ARHGAP20: variants seen among roughly 807,000 people sequenced by gnomAD.
ARHGAP20 encodes the protein rho GTPase-activating protein 20.
In ARHGAP20, 34 loss-of-function variants were observed where a neutral mutation model predicts 73.7. The ratio of observed to expected loss-of-function variants is 0.46; its 90% CI spans 0.35 to 0.61. The LOEUF (loss-of-function observed/expected upper bound fraction) is 0.61, where lower values mean the gene tolerates loss of function less well. ARHGAP20 is among the 20% of genes least tolerant of loss of function. The pLI is 0.00. For missense variants in ARHGAP20, 1,314 were observed against 1,420.9 expected (o/e 0.92, Z 1.21); for synonymous variants, 523 against 518.2 (o/e 1.01, Z -0.13).
At chr11:110,679,327 AACTCTGATACAGTGTAGCAG>A (rs2135089206) in intron 2 of ARHGAP20, among the ~76,000 whole-genome samples, 1 of 152,308 alleles carries the variant, frequency 6.6e-6, no homozygotes, top group East Asian at 1.9e-4. Context: ...TACACAGAGC[AACTCTGATACAGTGTAGCAG>A]GGATTAGACA....
chr11:110,588,854 G>A (rs1422185581), intron 11 of ARHGAP20, among the ~76,000 whole-genome samples: 5 of 152,038 alleles, frequency 3.3e-5, no homozygotes, highest in Non-Finnish European at 7.4e-5. Context: ...GGCGGATCAC[G>A]AGGTCAGGAG....
chr11:110,638,352 T>TA (rs1198507084), intron 2 of ARHGAP20, among the ~76,000 whole-genome samples: 3 of 151,728 alleles, frequency 2.0e-5, no homozygotes, highest in Admixed American at 6.6e-5. Flanking sequence ...AATTCAAAAA[T>TA]AAAAAAATGA....
At chr11:110,641,131 A>T (rs1949069601) in intron 2 of ARHGAP20, among the ~76,000 whole-genome samples, 1 of 152,052 alleles carries the variant, frequency 6.6e-6, no homozygotes, top group South Asian at 2.1e-4. Context: ...ATGGGAGCAT[A>T]TGCGATACAA....
At chr11:110,619,307 TATGTAGAGTGTATGCA>T (rs1374313749) in intron 4 of ARHGAP20, among the ~76,000 whole-genome samples, 4 of 133,068 alleles carry the variant, frequency 3.0e-5, no homozygotes, top group Middle Eastern at 4.5e-3. Flanking sequence ...TGATAGCATA[TATGTAGAGTGTATGCA>T]GTGATAGGGT....
In ARHGAP20 at chr11:110,624,298, A is replaced by G; in HGVS notation, c.367T>C (p.Phe123Leu). The G allele has an allele frequency of 6.4e-7, 1 of 1,568,264 alleles. No individual in the cohort carries two copies. The highest frequency in any genetic ancestry group is 8.6e-7 in the Non-Finnish European group (1 of 1,160,318). The change falls in exon 4 of 15, where the codon TTT becomes CTT. Residue 123 changes from phenylalanine to leucine, a missense_variant. Physicochemically the swap from Phe to Leu is conservative, Grantham distance 22. Around this residue, in one of 3 missense-constraint regions of ARHGAP20, gnomAD observed 443 missense variants for 466.4 expected, o/e 0.95. Coordinates refer to ENST00000683387, the MANE Select transcript of ARHGAP20 (RefSeq NM_001384657.1). ...AATTTAATTTTATTTTTTATCTTAA[A>G]GTTATTGTTATATCTAGAAAGATAA... is the stretch of plus-strand genomic sequence containing the variant. ...VVAKIKYNNN[F>L]KIKNKIKLTD...
At chr11:110,597,129 G>A (rs1947985419) in intron 9 of ARHGAP20, among the ~76,000 whole-genome samples, 1 of 135,830 alleles carries the variant, frequency 7.4e-6, no homozygotes, top group African/African-American at 2.7e-5. Flanking sequence ...GTCACACACC[G>A]GGGACCGTTG....
At chr11:110,658,463 T>C (rs1949522849) in intron 2 of ARHGAP20, among the ~76,000 whole-genome samples, 1 of 152,088 alleles carries the variant, frequency 6.6e-6, no homozygotes, top group Non-Finnish European at 1.5e-5. Flanking sequence ...GCACAAAAAC[T>C]AGAATATATA....
rs191761888 is a variant in ARHGAP20, at chr11:110,691,889, C to T, written c.106-1260G>A. On this transcript the variant is annotated intron_variant, in intron 1 of 14. Transcript: ENST00000683387. ...AAACATTAATAAATGACAGGAAACA[C>T]ATGGGTTAAAAATAGATAACATCAA... Among the ~76,000 whole-genome samples the T allele has an allele frequency of 9.2e-5, 14 of 152,268 alleles. 1 individual carries two copies. The highest frequency in any genetic ancestry group is 9.2e-4 in the Admixed American group (14 of 15,280).
intron 9 of ARHGAP20, among the ~76,000 whole-genome samples, chr11:110,597,341 G>A (rs1947994584): frequency 6.6e-6 from 1 of 150,954 alleles, no homozygotes; most frequent in Admixed American, 6.6e-5. Context: ...CTGAAGTCCA[G>A]GAAGGGGTTC....
chr11:110,624,077 C>T (rs1948684387), intron 4 of ARHGAP20, 85 bp downstream of exon 4: 1 of 1,462,774 alleles, frequency 6.8e-7, no homozygotes, highest in African/African-American at 1.5e-5. Flanking sequence ...AGAGGAACAA[C>T]ATTTGATTAA....
chr11:110,642,680 G>T (rs1949101359), intron 2 of ARHGAP20, among the ~76,000 whole-genome samples: 1 of 151,982 alleles, frequency 6.6e-6, no homozygotes, highest in Non-Finnish European at 1.5e-5. Flanking sequence ...TGTTGGATTT[G>T]GTTTGGTAGT....
At chr11:110,700,799 C>T (rs1303939198) in intron 1 of ARHGAP20, among the ~76,000 whole-genome samples, 1 of 139,650 alleles carries the variant, frequency 7.2e-6, no homozygotes, top group Non-Finnish European at 1.5e-5. Context: ...TCCATGTGTT[C>T]TCATTGTTCA....
chr11:110,656,178 T>C (rs1312041254), intron 2 of ARHGAP20, among the ~76,000 whole-genome samples: 3 of 152,098 alleles, frequency 2.0e-5, no homozygotes, highest in African/African-American at 7.2e-5. Context: ...GAGTCTCTTG[T>C]AGCTACTGCT....
At chr11:110,611,766 A>G (rs979548560) in intron 6 of ARHGAP20, among the ~76,000 whole-genome samples, 4 of 152,064 alleles carry the variant, frequency 2.6e-5, no homozygotes, top group African/African-American at 9.7e-5. Flanking sequence ...TAATAAAAAA[A>G]GGCAAGAGCT....
At chr11:110,612,067 T>C (rs1311619830) in intron 6 of ARHGAP20, among the ~76,000 whole-genome samples, 1 of 152,108 alleles carries the variant, frequency 6.6e-6, no homozygotes, top group African/African-American at 2.4e-5. Flanking sequence ...GAATACAATA[T>C]CTGTAATAGC....
In ARHGAP20 at chr11:110,624,328, C is replaced by G. The variant is rs1430109873; in HGVS notation, c.354-17G>C. The G allele has an allele frequency of 6.6e-7, 1 of 1,509,392 alleles. No individual in the cohort carries two copies. The highest frequency in any genetic ancestry group is 8.8e-7 in the Non-Finnish European group (1 of 1,130,408). The allele number at this position is 1,509,392 out of a possible 1,614,324, so 93.5% of individuals were successfully genotyped here. A position where few individuals can be genotyped will look rare whatever the true frequency, so the allele number is the denominator to read the frequency against. On this transcript the variant is annotated splice_polypyrimidine_tract_variant and intron_variant, in intron 3 of 14. Coordinates refer to ENST00000683387, the MANE Select transcript of ARHGAP20 (RefSeq NM_001384657.1). ...TTGTTATATCTAGAAAGATAAAAAC[C>G]AAACAGAACCTTTTGTTATTTTGTT...
chr11:110,699,091 C>T (rs1950394206), intron 1 of ARHGAP20, among the ~76,000 whole-genome samples: 1 of 151,216 alleles, frequency 6.6e-6, no homozygotes, highest in South Asian at 2.1e-4. Context: ...TTGCTGTATC[C>T]CTGAGGTTTT....
chr11:110,696,458 A>AT (rs1387727719), intron 1 of ARHGAP20, among the ~76,000 whole-genome samples: 1 of 149,154 alleles, frequency 6.7e-6, no homozygotes. Context: ...AAAAAGGAAA[A>AT]TTTTTTTATC....
At chr11:110,606,793 A>AC in intron 8 of ARHGAP20, 44 bp from the exon 9 acceptor site, 1 of 1,459,004 alleles carries the variant, frequency 6.9e-7, no homozygotes, top group Non-Finnish European at 9.2e-7. Flanking sequence ...GCTGACTGGT[A>AC]CTGTTAGCAT....
Sources: gnomAD v4.1 joint callset for allele counts (sites outside exome capture counted in the v4.1 genomes callset) on GRCh38, gnomAD v4.1.1 for gene constraint, gnomAD v4.1.1 regional missense constraint, MANE v1.5 for transcripts, NCBI Gene and HGNC (gene_info 2026-07-23, HGNC 2026-07-21) for gene names.